HACD1: variants seen among roughly 807,000 people sequenced by gnomAD.
HACD1 encodes very-long-chain (3R)-3-hydroxyacyl-CoA dehydratase 1.
HACD1 carries 41 observed loss-of-function variants against 32.0 expected under a neutral mutation model. That is an observed-to-expected ratio of 1.28 (90% CI 1.00 to 1.66). The LOEUF (loss-of-function observed/expected upper bound fraction) is 1.66, where lower values mean the gene tolerates loss of function less well. Among genes scored for constraint, HACD1 ranks in the 40% most tolerant of loss-of-function variants. The pLI is 0.00. For missense variants in HACD1, 396 were observed against 380.1 expected, an observed-to-expected ratio of 1.04 and a Z score of -0.35; for synonymous variants, 142 against 139.0, an observed-to-expected ratio of 1.02 and a Z score of -0.15.
At chr10:17,607,379 G>T (rs772931132) in intron 1 of HACD1, among the ~76,000 whole-genome samples, 5 of 152,082 alleles carry the variant, frequency 3.3e-5, no homozygotes, top group Non-Finnish European at 4.4e-5. Context: ...GCACTCATCG[G>T]AATCATGCTT....
At chr10:17,615,861 G>A (rs1208018713) in intron 1 of HACD1, 14 of 427,030 alleles carry the variant, frequency 3.3e-5, no homozygotes, top group Admixed American at 1.0e-4. Flanking sequence ...CAGCTACTCC[G>A]GAGGCCGAGG....
chr10:17,614,546 T>C (rs1833043327), intron 1 of HACD1, among the ~76,000 whole-genome samples: 2 of 151,060 alleles, frequency 1.3e-5, no homozygotes, highest in Non-Finnish European at 3.0e-5. Flanking sequence ...CTCGGCCTAC[T>C]CTACAAAAAA....
rs534600667 is a variant in HACD1, at chr10:17,613,313, A to G, written c.257+3770T>C. ...TACAAAAAAATTAATAAACACGCCA[A>G]AGTTCTGTTAACAGAGAAATAAGTT... On this transcript the variant is annotated intron_variant, in intron 1 of 6. Transcript: ENST00000361271. 1.7e-4 allele frequency among the ~76,000 whole-genome samples: 26 copies of G among 152,228 alleles called. No homozygotes were observed. In the South Asian group the frequency reaches 5.0e-3, roughly 29 times the overall value.
intron 4 of HACD1, among the ~76,000 whole-genome samples, chr10:17,599,783 T>G (rs1834043843): frequency 1.3e-5 from 2 of 152,202 alleles, no homozygotes; most frequent in African/African-American, 2.4e-5. Context: ...TCACTCATCT[T>G]TGGCCCTTTT....
intron 2 of HACD1, 57 bp downstream of exon 2, chr10:17,603,873 A>G: frequency 1.3e-6 from 2 of 1,507,794 alleles, no homozygotes; most frequent in South Asian, 1.2e-5. Context: ...TTTGCACAAC[A>G]AAAAATGTTC....
In HACD1 at chr10:17,594,993, G is replaced by C. The variant is rs1833977827; in HGVS notation, c.606-610C>G. Among the ~76,000 whole-genome samples the C allele has an allele frequency of 2.0e-5, 3 of 152,006 alleles. No homozygotes were observed. In the South Asian group the frequency reaches 6.2e-4, roughly 31 times the overall value. On this transcript the variant is annotated intron_variant, in intron 5 of 6. Transcript: ENST00000361271. ...CCTGCCTCAGCCTCCTGGGTAGCTG[G>C]GACTACAGGCGCCCGCCACCACGCC...
intron 1 of HACD1, among the ~76,000 whole-genome samples, chr10:17,615,021 G>T (rs1833054018): frequency 6.6e-6 from 1 of 152,174 alleles, no homozygotes; most frequent in Admixed American, 6.5e-5. Flanking sequence ...CAAAGTGCTG[G>T]GATTACAGGC....
intron 4 of HACD1, 52 bp downstream of exon 4, chr10:17,603,508 A>G: frequency 6.9e-7 from 1 of 1,440,302 alleles, no homozygotes; most frequent in Admixed American, 1.8e-5. Context: ...GATTCCTATG[A>G]ATGGAAAGCT....
At chr10:17,614,185 G>A (rs1257752173) in intron 1 of HACD1, among the ~76,000 whole-genome samples, 1 of 152,216 alleles carries the variant, frequency 6.6e-6, no homozygotes, top group Non-Finnish European at 1.5e-5. Flanking sequence ...GCTCACACCT[G>A]TAATCCCAGC....
chr10:17,615,449 A>G (rs1480588741), intron 1 of HACD1: 2 of 153,814 alleles, frequency 1.3e-5, no homozygotes, highest in African/African-American at 2.4e-5. Context: ...ATTCAATATC[A>G]TATGCTAAGC....
Position 17,594,856 on chromosome 10 carries a change from T to TTG in HACD1, c.606-474_606-473insCA, listed in dbSNP as rs1554815876. Among the ~76,000 whole-genome samples the TTG allele has an allele frequency of 3.1e-3, 461 of 150,286 alleles. 2 individuals carry two copies. Among genetic ancestry groups the TTG allele is most frequent in the African/African-American group, 0.011 (449 of 40,774 alleles). ...CCAGCTAATTTTTGGTGTTTTTTTT[T>TTG]TTTGTTTTTTGTTTTTTTTTGAGAT... On this transcript the variant is annotated intron_variant, in intron 5 of 6. Coordinates refer to ENST00000361271, the MANE Select transcript of HACD1 (RefSeq NM_014241.4).
intron 1 of HACD1, among the ~76,000 whole-genome samples, chr10:17,611,650 T>C (rs1832980721): frequency 6.6e-6 from 1 of 152,204 alleles, no homozygotes; most frequent in Non-Finnish European, 1.5e-5. Flanking sequence ...CTCACTTCCC[T>C]ATTATGAGCA....
chr10:17,616,059 G>A (rs1833077327), intron 1 of HACD1: 1 of 180,776 alleles, frequency 5.5e-6, no homozygotes, highest in Non-Finnish European at 1.2e-5. Context: ...ATGAGGTCAG[G>A]AGATGGAGAC....
Position 17,617,063 on chromosome 10 carries a change from G to A in HACD1, c.257+20C>T. The A allele has an allele frequency of 6.8e-7, 1 of 1,463,812 alleles. No individual in the cohort carries two copies. The highest frequency in any genetic ancestry group is 9.0e-7 in the Non-Finnish European group (1 of 1,111,610). The allele number at this position is 1,463,812 out of a possible 1,614,324, so 90.7% of individuals were successfully genotyped here. ...ACCGCGGCGCGGGGAGGGCCCGAGGGTGCCCCGCGGCGCGCGTACCCCGCG... is the reference window on the plus strand; with the variant it reads ...ACCGCGGCGCGGGGAGGGCCCGAGGATGCCCCGCGGCGCGCGTACCCCGCG... On this transcript the variant is annotated intron_variant, in intron 1 of 6. Transcript: ENST00000361271.
chr10:17,610,068 G>A (rs549969393), intron 1 of HACD1, among the ~76,000 whole-genome samples: 1 of 151,250 alleles, frequency 6.6e-6, no homozygotes, highest in East Asian at 1.9e-4. Context: ...ATTTACCCAA[G>A]CAAAACAAAA....
At chr10:17,606,231 T>C (rs1834146704) in intron 1 of HACD1, among the ~76,000 whole-genome samples, 2 of 152,224 alleles carry the variant, frequency 1.3e-5, no homozygotes, top group African/African-American at 4.8e-5. Context: ...CCCTCGCTTT[T>C]AAACTTACGT....
At chr10:17,615,765 G>A (rs781817483) in intron 1 of HACD1, 10 of 396,670 alleles carry the variant, frequency 2.5e-5, no homozygotes, top group South Asian at 1.6e-4. Flanking sequence ...TCAGGAGTTC[G>A]AGACCACCCT....
intron 1 of HACD1, among the ~76,000 whole-genome samples, chr10:17,611,211 A>G (rs1834230868): frequency 6.6e-6 from 1 of 152,118 alleles, no homozygotes; most frequent in Admixed American, 6.5e-5. Flanking sequence ...TGTGTTAGCC[A>G]GGATGGTCTC....
At chr10:17,616,421 G>T (rs80035641) in intron 1 of HACD1, among the ~76,000 whole-genome samples, 2,357 of 152,278 alleles carry the variant, frequency 0.015, 34 homozygotes, top group East Asian at 0.056. Context: ...CAGGTTTTGA[G>T]AAGCAGTTGA....
Sources: gnomAD v4.1 joint callset for allele counts (sites outside exome capture counted in the v4.1 genomes callset) on GRCh38, gnomAD v4.1.1 for gene constraint, MANE v1.5 for transcripts, NCBI Gene and HGNC (gene_info 2026-07-23, HGNC 2026-07-21) for gene names.